Variants in CALN1 observed in about 807,000 individuals in gnomAD.
The protein encoded by CALN1 is calcium-binding protein 8.
CALN1 carries 17 observed loss-of-function variants against 30.6 expected under a neutral mutation model. The ratio of observed to expected loss-of-function variants is 0.56; its 90% confidence interval spans 0.38 to 0.83. The LOEUF is 0.83. CALN1 is among the 40% of genes least tolerant of loss of function. The probability of loss-of-function intolerance (pLI) is 0.00; values close to 1 mark genes in which losing one functional copy is unlikely to be tolerated. For missense variants in CALN1, 291 were observed against 354.9 expected (o/e 0.82, Z 1.45); for synonymous variants, 156 against 131.4 (o/e 1.19, Z -1.28).
intron 1 of CALN1, among the ~76,000 whole-genome samples, chr7:72,409,717 A>T (rs1585690098): frequency 6.6e-6 from 1 of 152,250 alleles, no homozygotes; most frequent in East Asian, 2.0e-4. Context: ...ATAATTCATA[A>T]GCATGGGTTA....
intron 4 of CALN1, among the ~76,000 whole-genome samples, chr7:72,034,758 A>G (rs1801684231): frequency 7.2e-6 from 1 of 139,046 alleles, no homozygotes. Flanking sequence ...AATGCACTTC[A>G]GCCTGGGCGA....
At chr7:71,840,314 G>A (rs148718149) in intron 5 of CALN1, among the ~76,000 whole-genome samples, 204 of 151,552 alleles carry the variant, frequency 1.3e-3, no homozygotes, top group African/African-American at 4.2e-3. Flanking sequence ...CACAAGACCC[G>A]TCTCCACAAA....
At chr7:72,465,643 A>G in the CALN1 span, among the ~76,000 whole-genome samples, 1 of 152,132 alleles carries the variant, frequency 6.6e-6, no homozygotes, top group Non-Finnish European at 1.5e-5. Context: ...GAGACAAGAC[A>G]CTCTTCCATC....
intron 5 of CALN1, among the ~76,000 whole-genome samples, chr7:71,964,147 G>A (rs551780037): frequency 5.3e-5 from 8 of 152,148 alleles, no homozygotes; most frequent in South Asian, 2.1e-4. Flanking sequence ...ATTCCCCTAC[G>A]GATGGACACT....
intron 2 of CALN1, among the ~76,000 whole-genome samples, chr7:72,323,297 C>A (rs1801023289): frequency 6.6e-6 from 1 of 152,070 alleles, no homozygotes. Flanking sequence ...CATGAAAAGG[C>A]AGTGATTCTG....
At chr7:72,065,151 A>AT (rs1803936485) in intron 4 of CALN1, among the ~76,000 whole-genome samples, 2 of 117,036 alleles carry the variant, frequency 1.7e-5, no homozygotes, top group East Asian at 3.0e-4. Context: ...TTAAAATATT[A>AT]ATATTAAAAT....
chr7:72,005,697 C>T (rs1217219558), intron 5 of CALN1, among the ~76,000 whole-genome samples: 2 of 151,850 alleles, frequency 1.3e-5, no homozygotes, highest in Non-Finnish European at 1.5e-5. Context: ...AGAAAAACGC[C>T]CACTCCAAAA....
intron 3 of CALN1, among the ~76,000 whole-genome samples, chr7:72,149,865 G>C (rs1401838526): frequency 2.0e-5 from 3 of 151,874 alleles, no homozygotes; most frequent in Non-Finnish European, 4.4e-5. Context: ...TGTAATCCCA[G>C]CACTTTGAGA....
chr7:71,939,556 G>C (rs1015617252), intron 5 of CALN1, among the ~76,000 whole-genome samples: 1 of 149,624 alleles, frequency 6.7e-6, no homozygotes, highest in Admixed American at 6.7e-5. Context: ...CTGGGTTATA[G>C]AGCAAGATGT....
chr7:72,418,111 C>T (rs978585829), intron 1 of CALN1, among the ~76,000 whole-genome samples: 3 of 151,884 alleles, frequency 2.0e-5, no homozygotes, highest in Non-Finnish European at 2.9e-5. Context: ...ACCTTTGCCC[C>T]CCTCCCCCTC....
chr7:72,080,399 G>A (rs79196164), intron 4 of CALN1, among the ~76,000 whole-genome samples: 1,729 of 152,274 alleles, frequency 0.011, 40 homozygotes, highest in African/African-American at 0.039. Context: ...GATTTACTGC[G>A]TGCAGGCAGA....
chr7:72,475,043 C>G, the CALN1 span, among the ~76,000 whole-genome samples: 23 of 152,300 alleles, frequency 1.5e-4, no homozygotes, highest in Admixed American at 1.5e-3. Flanking sequence ...GCAATTATGG[C>G]ATTCTTCCCA....
chr7:72,008,153 AAC>A (rs1241495766), intron 5 of CALN1, among the ~76,000 whole-genome samples: 2 of 152,198 alleles, frequency 1.3e-5, no homozygotes, highest in Admixed American at 6.5e-5. Flanking sequence ...GCAGAAATCA[AAC>A]ACATATTGAG....
At chr7:71,810,828 C>T (rs1787905884) in intron 5 of CALN1, among the ~76,000 whole-genome samples, 1 of 151,896 alleles carries the variant, frequency 6.6e-6, no homozygotes, top group Admixed American at 6.6e-5. Context: ...TTATATAATG[C>T]ATACGTCTCT....
At chr7:72,294,948 G>A (rs917397059) in intron 2 of CALN1, among the ~76,000 whole-genome samples, 4 of 152,006 alleles carry the variant, frequency 2.6e-5, no homozygotes, top group Non-Finnish European at 5.9e-5. Flanking sequence ...CCAGAGATCC[G>A]TCAAATTATC....
intron 5 of CALN1, among the ~76,000 whole-genome samples, chr7:71,970,642 T>C (rs1014143916): frequency 1.3e-5 from 2 of 151,048 alleles, no homozygotes; most frequent in African/African-American, 2.4e-5. Flanking sequence ...AGGCAGGCAA[T>C]ACAACATTCT....
intron 1 of CALN1, among the ~76,000 whole-genome samples, chr7:72,442,194 A>G (rs554596995): frequency 6.6e-6 from 1 of 152,212 alleles, no homozygotes; most frequent in South Asian, 2.1e-4. Flanking sequence ...CCTTGATTAA[A>G]TGTTCACCTC....
intron 2 of CALN1, among the ~76,000 whole-genome samples, chr7:72,380,867 T>C (rs1804858000): frequency 6.6e-6 from 1 of 152,096 alleles, no homozygotes; most frequent in Non-Finnish European, 1.5e-5. Context: ...AAGTAAATTT[T>C]AGAAACCATG....
At chr7:72,211,248 C>A (rs185860578) in intron 3 of CALN1, among the ~76,000 whole-genome samples, 1 of 152,258 alleles carries the variant, frequency 6.6e-6, no homozygotes. Context: ...CCTTTCCAGG[C>A]TCCAGAGAAG....
Sources: gnomAD v4.1 joint callset for allele counts (sites outside exome capture counted in the v4.1 genomes callset) on GRCh38, gnomAD v4.1.1 for gene constraint, MANE v1.5 for transcripts, NCBI Gene and HGNC (gene_info 2026-07-23, HGNC 2026-07-21) for gene names.